Variants in TUT4 observed in about 807,000 individuals in gnomAD.
The protein encoded by TUT4 is terminal uridylyltransferase 4.
In TUT4, 36 loss-of-function variants were observed where a neutral mutation model predicts 192.2. The ratio of observed to expected loss-of-function variants is 0.19; its 90% confidence interval spans 0.14 to 0.25. The LOEUF (loss-of-function observed/expected upper bound fraction) is 0.25. TUT4 is among the 10% of genes least tolerant of loss of function. The pLI, the probability that TUT4 is intolerant of heterozygous loss-of-function variation, is 1.00. For missense variants in TUT4, 1,493 were observed against 1,957.2 expected (o/e 0.76, Z 4.47); for synonymous variants, 618 against 666.0 (o/e 0.93, Z 1.11).
intron 1 of TUT4, among the ~76,000 whole-genome samples, chr1:52,536,648 T>C (rs147731592): frequency 0.011 from 1,560 of 145,144 alleles, 13 homozygotes; most frequent in Non-Finnish European, 0.015. Context: ...AGATCAGGAG[T>C]TCACAACCAG....
At position 52,495,469 on chromosome 1, in the gene TUT4, C is replaced by G. The variant is rs1170374703; in HGVS notation, c.1224G>C (p.Leu408=). The stretch of plus-strand genomic sequence containing the variant: ...TATCTATATTAACATCACTACTTTT[C>G]AGAGCAAATCTAGTCAGAGATGAGC... The part of the protein sequence containing the change: ...LYGSSLTRFA[L]KSSDVNIDIK... The change falls in exon 6 of 30, where the codon CTG becomes CTC. Residue 408 remains leucine (L), a synonymous_variant. Transcript: ENST00000257177. The G allele has an allele frequency of 6.2e-7, 1 of 1,611,022 alleles. No individual in the cohort carries two copies. The highest frequency in any genetic ancestry group is 8.5e-7 in the Non-Finnish European group (1 of 1,178,328).
At chr1:52,510,770 T>C (rs578190882) in intron 3 of TUT4, among the ~76,000 whole-genome samples, 23 of 152,342 alleles carry the variant, frequency 1.5e-4, no homozygotes, top group Non-Finnish European at 5.9e-5. Flanking sequence ...ATTTTCATCT[T>C]ATAGATGTGA....
chr1:52,485,773 T>A (rs1669639905), intron 9 of TUT4, among the ~76,000 whole-genome samples: 1 of 152,074 alleles, frequency 6.6e-6, no homozygotes, highest in Non-Finnish European at 1.5e-5. Flanking sequence ...TCATGCAAGA[T>A]CATGGCATAT....
intron 4 of TUT4, among the ~76,000 whole-genome samples, chr1:52,498,552 T>C (rs913237354): frequency 6.6e-6 from 1 of 151,782 alleles, no homozygotes; most frequent in Non-Finnish European, 1.5e-5. Flanking sequence ...CCGTTTCACT[T>C]AGGATCCATC....
intron 1 of TUT4, among the ~76,000 whole-genome samples, chr1:52,533,672 G>T (rs548295618): frequency 6.6e-6 from 1 of 152,206 alleles, no homozygotes; most frequent in South Asian, 2.1e-4. Flanking sequence ...AGCTTTCTAA[G>T]AAAGGAAACA....
chr1:52,550,513 T>G (rs951261331), intron 1 of TUT4, among the ~76,000 whole-genome samples: 21 of 151,090 alleles, frequency 1.4e-4, no homozygotes, highest in African/African-American at 3.9e-4. Context: ...TTTTTTTTTT[T>G]TTTGTTTAAG....
chr1:52,472,223 G>T, intron 13 of TUT4, 121 bp from the exon 14 acceptor site: 2 of 978,888 alleles, frequency 2.0e-6, no homozygotes, highest in Non-Finnish European at 2.9e-6. Context: ...CTTTCAGGAG[G>T]TAATTAAAAA....
chr1:52,448,736 T>C (rs1658392740), intron 20 of TUT4, among the ~76,000 whole-genome samples: 1 of 152,196 alleles, frequency 6.6e-6, no homozygotes, highest in Non-Finnish European at 1.5e-5. Flanking sequence ...GACGCTATTA[T>C]AGGTATTTCA....
chr1:52,490,182 ACT>A (rs1377890318), intron 8 of TUT4, among the ~76,000 whole-genome samples: 1 of 131,382 alleles, frequency 7.6e-6, no homozygotes, highest in Non-Finnish European at 1.6e-5. Flanking sequence ...ACAGGGTCTC[ACT>A]CTGTCACCCA....
In TUT4 at chr1:52,505,268, GA is replaced by G. The variant is rs1190732332; in HGVS notation, c.999+4327del. 4.6e-5 allele frequency among the ~76,000 whole-genome samples: 7 copies of G among 151,922 alleles called. No individual in the cohort carries two copies. The South Asian group carries it at 1.5e-3, about 32-fold the overall frequency. On this transcript the variant is annotated intron_variant, in intron 4 of 29. Coordinates refer to ENST00000257177, the MANE Select transcript of TUT4 (RefSeq NM_001009881.3). Reference sequence around the variant, plus strand: ...TGATGATAACTGTTAGTTTTTTGTAGATTTTTTTTAACAGGGTCTCATTATA... The same window carrying G: ...TGATGATAACTGTTAGTTTTTTGTAGTTTTTTTTAACAGGGTCTCATTATA...
chr1:52,509,419 A>G (rs577846982), intron 4 of TUT4, among the ~76,000 whole-genome samples, 177 bp downstream of exon 4: 30 of 152,346 alleles, frequency 2.0e-4, no homozygotes, highest in African/African-American at 7.2e-4. Flanking sequence ...CGGTCTCAAC[A>G]AGGTTCCTTC....
chr1:52,547,646 G>T (rs556295877), intron 1 of TUT4, among the ~76,000 whole-genome samples: 1 of 152,268 alleles, frequency 6.6e-6, no homozygotes, highest in South Asian at 2.1e-4. Context: ...ATGATGAATG[G>T]TTAAACAAAA....
chr1:52,480,284 G>A (rs1023316966), intron 11 of TUT4, among the ~76,000 whole-genome samples: 1 of 152,184 alleles, frequency 6.6e-6, no homozygotes, highest in African/African-American at 2.4e-5. Flanking sequence ...AACCAGACAC[G>A]GGTCTGGTGT....
At chr1:52,513,508 T>C (rs766524773) in intron 3 of TUT4, among the ~76,000 whole-genome samples, 12 of 136,044 alleles carry the variant, frequency 8.8e-5, no homozygotes, top group Non-Finnish European at 1.4e-4. Flanking sequence ...GCATGAGAAA[T>C]AAAGAGGTAG....
chr1:52,509,613 G>A lies in TUT4; in HGVS notation c.982C>T (p.His328Tyr), dbSNP rs1676549971. The change falls in exon 4 of 30, where the codon CAT becomes TAT. Residue 328 changes from histidine to tyrosine, a missense_variant. His to Tyr is a moderately conservative substitution (Grantham distance 83). This residue lies in a region of TUT4 where 437 missense variants were observed against 577.6 expected (regional missense o/e 0.76). Coordinates refer to ENST00000257177, the MANE Select transcript of TUT4 (RefSeq NM_001009881.3). The stretch of plus-strand genomic sequence containing the variant: ...GAACTTACCAAAATATTTTTCTTAT[G>A]TCGTTTCTCCTTTATATGTTTATGA... The part of the protein sequence containing the change: ...GAHKHIKEKR[H>Y]KKNILEKQEE... 6.4e-7 allele frequency: 1 copy of A among 1,567,630 alleles called. No homozygotes were observed. The highest frequency in any genetic ancestry group is 8.7e-7 in the Non-Finnish European group (1 of 1,147,972).
At chr1:52,545,405 A>G (rs1453015826) in intron 1 of TUT4, among the ~76,000 whole-genome samples, 3 of 151,800 alleles carry the variant, frequency 2.0e-5, no homozygotes, top group Admixed American at 2.0e-4. Context: ...GTAACCCCAC[A>G]GAACAGAATG....
At chr1:52,506,629 G>C (rs78878210) in intron 4 of TUT4, among the ~76,000 whole-genome samples, 1 of 151,988 alleles carries the variant, frequency 6.6e-6, no homozygotes, top group African/African-American at 2.4e-5. Context: ...CTTAGATGTC[G>C]TAGTTTTCGT....
intron 3 of TUT4, among the ~76,000 whole-genome samples, chr1:52,512,192 A>G (rs1677369282): frequency 6.6e-6 from 1 of 152,228 alleles, no homozygotes; most frequent in African/African-American, 2.4e-5. Flanking sequence ...CCTTGGATAA[A>G]GCTGTATCAC....
At chr1:52,461,100 G>A (rs747112708) in intron 19 of TUT4, 34 bp downstream of exon 19, 1 of 1,485,048 alleles carries the variant, frequency 6.7e-7, no homozygotes, top group Non-Finnish European at 9.1e-7. Flanking sequence ...TAATTATCAT[G>A]AACAAAGCAG....
Sources: allele counts gnomAD v4.1 joint callset (sites outside exome capture counted in the v4.1 genomes callset), GRCh38; gene constraint gnomAD v4.1.1; regional missense constraint gnomAD v4.1.1; transcripts MANE v1.5; gene names NCBI Gene and HGNC (gene_info 2026-07-23, HGNC 2026-07-21).